Variants in CHRDL2 observed in about 807,000 individuals in gnomAD.
CHRDL2 encodes the protein chordin like 2.
CHRDL2 carries 41 observed loss-of-function variants against 54.3 expected under a neutral mutation model. That is an observed-to-expected ratio of 0.76 (90% CI 0.59 to 0.98). The LOEUF is 0.98. CHRDL2 is among the 50% of genes least tolerant of loss of function. The probability of loss-of-function intolerance (pLI) is 0.00; values close to 1 mark genes in which losing one functional copy is unlikely to be tolerated. For synonymous variants in CHRDL2, 220 were observed against 224.3 expected (o/e 0.98, Z 0.17); for missense variants, 518 against 562.4 (o/e 0.92, Z 0.80).
chr11:74,730,991 A>T lies in CHRDL2; in HGVS notation c.-103T>A. 1.1e-6 allele frequency: 1 copy of T among 921,942 alleles called. No individual in the cohort carries two copies. The highest frequency in any genetic ancestry group is 1.6e-6 in the Non-Finnish European group (1 of 607,336). The allele number at this position is 921,942 out of a possible 1,614,324, so 57.1% of individuals were successfully genotyped here. On this transcript the variant is annotated 5_prime_UTR_variant, in exon 1 of 11. Transcript: ENST00000376332. Reference sequence around the variant, plus strand: ...GGCCACAGATCAACCCACAGACCCCAGGAGGTCTGCTGCTAGAGCGGGGTC... The same window carrying T: ...GGCCACAGATCAACCCACAGACCCCTGGAGGTCTGCTGCTAGAGCGGGGTC...
chr11:74,724,790 T>G (rs538544411), intron 1 of CHRDL2, among the ~76,000 whole-genome samples: 12 of 152,336 alleles, frequency 7.9e-5, no homozygotes, highest in Admixed American at 7.2e-4. Context: ...TTAGAGGTAC[T>G]TCTTAAGTAA....
intron 9 of CHRDL2, among the ~76,000 whole-genome samples, chr11:74,700,004 C>A (rs1020254969): frequency 2.0e-5 from 3 of 152,218 alleles, no homozygotes; most frequent in Admixed American, 6.5e-5. Flanking sequence ...TGAGCTATGC[C>A]CCCACTGTGC....
At chr11:74,710,186 G>A (rs541696744) in intron 4 of CHRDL2, among the ~76,000 whole-genome samples, 2 of 151,172 alleles carry the variant, frequency 1.3e-5, no homozygotes, top group East Asian at 1.9e-4. Flanking sequence ...ACTACACTCC[G>A]GCCTGGGTGA....
chr11:74,726,049 G>C (rs1260062703), intron 1 of CHRDL2, among the ~76,000 whole-genome samples: 2 of 152,168 alleles, frequency 1.3e-5, no homozygotes, highest in African/African-American at 2.4e-5. Context: ...CCGGAGAAAG[G>C]AACTGCATTT....
At position 74,718,733 on chromosome 11, in the gene CHRDL2, C is replaced by T; in HGVS notation, c.182G>A (p.Cys61Tyr). ...EPQGLMYCLR[C>Y]TCSEGAHVSC... ...AGAGGAACCTACCTCTGAGCAGGTA[C>T]AGCGCAGGCAGTACATCAGGCCTTG... is the stretch of plus-strand genomic sequence containing the variant. Residue 61 changes from cysteine to tyrosine, a missense_variant, in exon 2 of 11, where the codon TGT becomes TAT. By Grantham distance (194) the Cys-to-Tyr change is radical. Transcript: ENST00000376332. The T allele has an allele frequency of 6.2e-7, 1 of 1,612,396 alleles. No homozygotes were observed. Among genetic ancestry groups the T allele is most frequent in the Non-Finnish European group, 8.5e-7 (1 of 1,178,816 alleles).
intron 9 of CHRDL2, 45 bp downstream of exon 9, chr11:74,702,749 G>C (rs1233732372): frequency 6.2e-7 from 1 of 1,604,748 alleles, no homozygotes; most frequent in Admixed American, 1.7e-5. Context: ...ACGGGAAGGG[G>C]GACTGGCCAG....
At position 74,697,363 on chromosome 11, in the gene CHRDL2, G is replaced by T. The variant is rs898165032; in HGVS notation, c.1121-66C>A. The T allele has an allele frequency of 5.9e-6, 7 of 1,188,058 alleles. No homozygotes were observed. The African/African-American group carries it at 1.0e-4, about 18-fold the overall frequency. The allele number at this position is 1,188,058 out of a possible 1,614,324, so 73.6% of individuals were successfully genotyped here. ...CCTACAGTCGGTGAAAAGTGAAACA[G>T]GGTGACTTAGCACAGAACGGACCCA... On this transcript the variant is annotated intron_variant, in intron 9 of 10. Coordinates refer to ENST00000376332, the MANE Select transcript of CHRDL2 (RefSeq NM_001278473.3).
At chr11:74,713,222 T>C (rs2034249123) in intron 3 of CHRDL2, among the ~76,000 whole-genome samples, 164 bp downstream of exon 3, 1 of 152,212 alleles carries the variant, frequency 6.6e-6, no homozygotes, top group Non-Finnish European at 1.5e-5. Context: ...ACCCCAGCAC[T>C]GCCTGGGGAT....
intron 4 of CHRDL2, 138 bp from the exon 5 acceptor site, chr11:74,708,533 C>T (rs1471783542): frequency 1.1e-5 from 7 of 630,528 alleles, no homozygotes; most frequent in East Asian, 3.5e-5. Flanking sequence ...AGCATCTCCA[C>T]AGCAAGGCCC....
chr11:74,715,610 A>C (rs1299953618), intron 2 of CHRDL2, among the ~76,000 whole-genome samples: 1 of 151,720 alleles, frequency 6.6e-6, no homozygotes, highest in Non-Finnish European at 1.5e-5. Context: ...CTCAAAAAAA[A>C]AGAAAAAAGA....
At chr11:74,708,739 T>C (rs1482381068) in intron 4 of CHRDL2, among the ~76,000 whole-genome samples, 1 of 152,162 alleles carries the variant, frequency 6.6e-6, no homozygotes, top group African/African-American at 2.4e-5. Flanking sequence ...GAAAGACAGT[T>C]GGGGCCCAGT....
At chr11:74,714,437 T>C (rs141856955) in intron 2 of CHRDL2, among the ~76,000 whole-genome samples, 226 of 152,286 alleles carry the variant, frequency 1.5e-3, no homozygotes, top group African/African-American at 5.1e-3. Context: ...CTAGCCCCGC[T>C]TCTCCCCCTG....
chr11:74,697,050 C>T (rs1002240957), intron 10 of CHRDL2, among the ~76,000 whole-genome samples, 155 bp downstream of exon 10: 7 of 152,192 alleles, frequency 4.6e-5, no homozygotes, highest in African/African-American at 7.2e-5. Flanking sequence ...AAATCTCTGG[C>T]GCAGACACCC....
intron 5 of CHRDL2, among the ~76,000 whole-genome samples, chr11:74,707,024 C>G (rs968165300): frequency 1.3e-5 from 2 of 152,148 alleles, no homozygotes; most frequent in Non-Finnish European, 2.9e-5. Flanking sequence ...AGCCCCTTCG[C>G]CCCTCCAGCC....
chr11:74,699,177 G>A (rs2033716210), intron 9 of CHRDL2: 2 of 152,306 alleles, frequency 1.3e-5, no homozygotes, highest in Non-Finnish European at 1.5e-5. Flanking sequence ...TGGGTCCTTC[G>A]GCACAGGCCT....
At chr11:74,709,893 C>T (rs1179888854) in intron 4 of CHRDL2, among the ~76,000 whole-genome samples, 1 of 152,162 alleles carries the variant, frequency 6.6e-6, no homozygotes, top group Non-Finnish European at 1.5e-5. Flanking sequence ...CCTGCCAATT[C>T]ACGGATGAGT....
intron 7 of CHRDL2, 30 bp from the exon 8 acceptor site, chr11:74,703,529 A>C: frequency 6.6e-7 from 1 of 1,524,340 alleles, no homozygotes; most frequent in Non-Finnish European, 8.9e-7. Flanking sequence ...AGGAAGGAGG[A>C]TCAGGGCCTC....
At chr11:74,719,442 T>G (rs892459376) in intron 1 of CHRDL2, 1 of 141,826 alleles carries the variant, frequency 7.1e-6, no homozygotes, top group African/African-American at 2.7e-5. Context: ...ATTCTCTGGG[T>G]CCTGTAGCCC....
At chr11:74,696,714 G>A in intron 10 of CHRDL2, 129 bp from the exon 11 acceptor site, 1 of 679,978 alleles carries the variant, frequency 1.5e-6, no homozygotes, top group East Asian at 2.7e-5. Flanking sequence ...GAGCCCACAG[G>A]GAGCCTGGAG....
Sources: gnomAD v4.1 joint callset for allele counts (sites outside exome capture counted in the v4.1 genomes callset) on GRCh38, gnomAD v4.1.1 for gene constraint, MANE v1.5 for transcripts, NCBI Gene and HGNC (gene_info 2026-07-23, HGNC 2026-07-21) for gene names.